The following RASGRF2 variants were observed in gnomAD, a reference collection of about 807,000 sequenced individuals.
RASGRF2 encodes the protein ras-specific guanine nucleotide-releasing factor 2.
Under a neutral mutation model 151.0 loss-of-function variants are expected in RASGRF2, and 76 were observed. The observed-to-expected ratio is 0.50, with a 90% CI of 0.42 to 0.61. The LOEUF is 0.61. Among genes scored for constraint, RASGRF2 ranks in the 20% least tolerant of loss-of-function variants. RASGRF2 has a pLI of 0.00. For synonymous variants in RASGRF2, 504 were observed against 566.5 expected (o/e 0.89, Z 1.57); for missense variants, 1,148 against 1,564.6 (o/e 0.73, Z 4.49).
rs751502604 is a variant in RASGRF2 at position 81,211,145 on chromosome 5, A to AG, written c.3157-1220dup. On this transcript the variant is annotated intron_variant, in intron 22 of 26. Coordinates refer to ENST00000265080, the MANE Select transcript of RASGRF2 (RefSeq NM_006909.3). ...GGCAATAGAGCAAGATCCTGTCTCC[A>AG]GAAAAAAAAAAAAAAAAGACTCAGT... 2.2e-3 allele frequency among the ~76,000 whole-genome samples: 228 copies of AG among 101,414 alleles called. 2 individuals are homozygous for AG. Among genetic ancestry groups the AG allele is most frequent in the Admixed American group, 3.4e-3 (28 of 8,214 alleles). 66.5% of individuals were successfully genotyped at this position (101,414 alleles called of 152,430 possible). A position where few individuals can be genotyped will look rare whatever the true frequency, so the allele number is the denominator to read the frequency against.
chr5:80,998,264 A>G (rs150485860), intron 1 of RASGRF2, among the ~76,000 whole-genome samples: 1 of 152,160 alleles, frequency 6.6e-6, no homozygotes, highest in African/African-American at 2.4e-5. Context: ...GTAAATTTCT[A>G]TTTCCTGTTT....
intron 12 of RASGRF2, among the ~76,000 whole-genome samples, chr5:81,102,961 C>T (rs1197631733): frequency 6.6e-6 from 1 of 151,946 alleles, no homozygotes; most frequent in Non-Finnish European, 1.5e-5. Context: ...GCATGGAGAG[C>T]AGTAGAATTA....
intron 2 of RASGRF2, among the ~76,000 whole-genome samples, chr5:81,046,122 T>G (rs1351938333): frequency 6.6e-6 from 1 of 152,222 alleles, no homozygotes; most frequent in Admixed American, 6.5e-5. Flanking sequence ...TGAGATGTTC[T>G]TTTCTGAGCT....
At chr5:81,203,667 G>A (rs768625060) in intron 19 of RASGRF2, among the ~76,000 whole-genome samples, 8 of 152,108 alleles carry the variant, frequency 5.3e-5, no homozygotes, top group Non-Finnish European at 8.8e-5. Context: ...ATCTTGGCTC[G>A]GCCATTTATG....
chr5:81,215,569 C>T (rs1166950283), intron 23 of RASGRF2, among the ~76,000 whole-genome samples: 2 of 152,176 alleles, frequency 1.3e-5, no homozygotes, highest in Non-Finnish European at 2.9e-5. Context: ...CTGCACCCGG[C>T]CTACTTGTCA....
At chr5:81,049,220 C>T (rs376300831) in intron 2 of RASGRF2, among the ~76,000 whole-genome samples, 238 of 151,512 alleles carry the variant, frequency 1.6e-3, no homozygotes, top group African/African-American at 5.5e-3. Context: ...TATAGTTCCA[C>T]CCCCTCCCCC....
At chr5:81,097,403 TATC>T (rs1472959632) in intron 12 of RASGRF2, among the ~76,000 whole-genome samples, 4 of 152,204 alleles carry the variant, frequency 2.6e-5, no homozygotes, top group Non-Finnish European at 5.9e-5. Flanking sequence ...ATTTGTGACA[TATC>T]ATGAAGAAAA....
At chr5:81,206,325 C>T (rs997692286) in intron 19 of RASGRF2, among the ~76,000 whole-genome samples, 2 of 152,194 alleles carry the variant, frequency 1.3e-5, no homozygotes, top group African/African-American at 4.8e-5. Context: ...TATCTGCTGG[C>T]TCCTGCCTGG....
intron 1 of RASGRF2, among the ~76,000 whole-genome samples, chr5:80,984,918 G>T (rs911059064): frequency 6.6e-5 from 10 of 152,178 alleles, no homozygotes; most frequent in Non-Finnish European, 1.5e-5. Flanking sequence ...ACTTTTAAGA[G>T]TTCTGAAAGA....
At chr5:81,217,232 G>A in intron 24 of RASGRF2, 124 bp from the exon 25 acceptor site, 1 of 1,396,868 alleles carries the variant, frequency 7.2e-7, no homozygotes, top group Non-Finnish European at 9.5e-7. Flanking sequence ...TTCTGAAACT[G>A]AAATAAAAAG....
chr5:80,989,017 G>A (rs897393089), intron 1 of RASGRF2, among the ~76,000 whole-genome samples: 5 of 151,202 alleles, frequency 3.3e-5, no homozygotes, highest in East Asian at 1.9e-4. Context: ...TCGCTCTGTC[G>A]CCCAGGTTGG....
chr5:81,127,500 G>T (rs572541583), intron 17 of RASGRF2, among the ~76,000 whole-genome samples: 2 of 152,224 alleles, frequency 1.3e-5, no homozygotes, highest in Middle Eastern at 3.4e-3. Flanking sequence ...TCCAGCCAGG[G>T]TGTTAAAGTG....
chr5:81,184,666 G>T (rs1754985968), intron 18 of RASGRF2, among the ~76,000 whole-genome samples: 1 of 152,050 alleles, frequency 6.6e-6, no homozygotes, highest in East Asian at 1.9e-4. Context: ...GAGGCTTAGG[G>T]GCATGTTTTT....
intron 1 of RASGRF2, among the ~76,000 whole-genome samples, chr5:80,981,380 C>T (rs1413616660): frequency 1.3e-5 from 2 of 151,968 alleles, no homozygotes; most frequent in East Asian, 1.9e-4. Context: ...TTTACAAATC[C>T]GTGGTTAGAA....
chr5:81,099,907 CTTTTTT>C lies in RASGRF2; in HGVS notation c.1755+4928_1755+4933del, dbSNP rs577876645. On this transcript the variant is annotated intron_variant, in intron 12 of 26. Transcript: ENST00000265080. ...ATTTTTGTCACTATTTTTCTTTTTT[CTTTTTT>C]TTTTTTTTTTTTGAGACAGAGTCTC... 5.6e-4 allele frequency among the ~76,000 whole-genome samples: 70 copies of C among 125,020 alleles called. No individual in the cohort carries two copies. In the South Asian group the frequency reaches 0.012, roughly 22 times the overall value. The allele number at this position is 125,020 out of a possible 152,430, so 82.0% of individuals were successfully genotyped here.
chr5:80,961,051 T>C (rs1310184007), intron 1 of RASGRF2, 25 bp downstream of exon 1: 1 of 1,423,070 alleles, frequency 7.0e-7, no homozygotes, highest in Non-Finnish European at 9.2e-7. Flanking sequence ...CTCTCCGCGG[T>C]CTCCCAGCCT....
chr5:81,049,211 A>G (rs1372096076), intron 2 of RASGRF2, among the ~76,000 whole-genome samples: 3 of 151,064 alleles, frequency 2.0e-5, no homozygotes, highest in African/African-American at 4.9e-5. Context: ...GTAAAGAGTT[A>G]TAGTTCCACC....
At chr5:81,051,579 C>T (rs1751013140) in intron 2 of RASGRF2, among the ~76,000 whole-genome samples, 1 of 152,186 alleles carries the variant, frequency 6.6e-6, no homozygotes, top group Admixed American at 6.5e-5. Context: ...TGGAATCCTA[C>T]AAACATTTTG....
intron 1 of RASGRF2, among the ~76,000 whole-genome samples, chr5:81,004,420 T>A (rs1021758128): frequency 2.0e-5 from 3 of 152,228 alleles, no homozygotes; most frequent in Non-Finnish European, 4.4e-5. Context: ...TGGTATTTAC[T>A]TATCAATGAG....
Sources: gnomAD v4.1 joint callset for allele counts (sites outside exome capture counted in the v4.1 genomes callset) on GRCh38, gnomAD v4.1.1 for gene constraint, MANE v1.5 for transcripts, NCBI Gene and HGNC (gene_info 2026-07-23, HGNC 2026-07-21) for gene names.